Variants in CDK17 observed in about 807,000 individuals in gnomAD.
CDK17 encodes the protein cyclin dependent kinase 17, also known as cyclin-dependent kinase 17.
Under a neutral mutation model 77.6 loss-of-function variants are expected in CDK17, and 24 were observed. The ratio of observed to expected loss-of-function variants is 0.31; its 90% CI spans 0.22 to 0.44. The LOEUF is 0.44. Among genes scored for constraint, CDK17 ranks in the 20% least tolerant of loss-of-function variants. CDK17 has a pLI of 1.00. For missense variants in CDK17, 429 were observed against 622.5 expected (o/e 0.69, Z 3.31); for synonymous variants, 203 against 210.4 (o/e 0.96, Z 0.30).
intron 5 of CDK17, 65 bp downstream of exon 5, chr12:96,310,987 A>G: frequency 6.7e-7 from 1 of 1,492,648 alleles, no homozygotes; most frequent in Non-Finnish European, 8.9e-7. Context: ...TAAAATGTTT[A>G]CACCCAGAAG....
intron 3 of CDK17, among the ~76,000 whole-genome samples, chr12:96,315,967 T>C (rs1952708867): frequency 6.6e-6 from 1 of 151,870 alleles, no homozygotes; most frequent in Non-Finnish European, 1.5e-5. Context: ...GATGGCCGAA[T>C]AGGAACAGCT....
intron 15 of CDK17, among the ~76,000 whole-genome samples, chr12:96,281,459 C>A (rs954568454): frequency 3.3e-5 from 5 of 152,354 alleles, no homozygotes; most frequent in African/African-American, 1.2e-4. Flanking sequence ...ACCTCCGCCT[C>A]CCAGGTTCAA....
intron 1 of CDK17, among the ~76,000 whole-genome samples, chr12:96,349,450 T>C (rs997536081): frequency 1.4e-5 from 2 of 146,658 alleles, no homozygotes; most frequent in Non-Finnish European, 3.0e-5. Context: ...CAAAACCCTG[T>C]CTCAAAAAAA....
chr12:96,309,613 G>T (rs564236999), intron 5 of CDK17, among the ~76,000 whole-genome samples: 1 of 151,922 alleles, frequency 6.6e-6, no homozygotes, highest in Non-Finnish European at 1.5e-5. Context: ...TTAAAAATTC[G>T]TATAAACCAA....
At chr12:96,339,669 C>T (rs1411519266) in intron 1 of CDK17, among the ~76,000 whole-genome samples, 4 of 151,984 alleles carry the variant, frequency 2.6e-5, no homozygotes, top group South Asian at 2.1e-4. Context: ...GTGTCTCATG[C>T]CTGTAATCCC....
intron 15 of CDK17, chr12:96,281,898 A>G (rs766166933): frequency 1.3e-5 from 2 of 152,196 alleles, no homozygotes; most frequent in Non-Finnish European, 2.9e-5. Context: ...CTTAGTTCCC[A>G]AACATTCTTC....
intron 2 of CDK17, among the ~76,000 whole-genome samples, chr12:96,328,261 C>T (rs1952916725): frequency 6.6e-6 from 1 of 152,044 alleles, no homozygotes. Context: ...TGTAGGAAGA[C>T]AAGGGCAGGG....
rs1300171774 is a variant in CDK17, at chr12:96,318,912, A to T, written c.283+5036T>A. Among the ~76,000 whole-genome samples the T allele has an allele frequency of 2.6e-3, 306 of 117,894 alleles. 3 individuals are homozygous for T. Among genetic ancestry groups the T allele is most frequent in the African/African-American group, 9.6e-3 (292 of 30,274 alleles). The allele number at this position is 117,894 out of a possible 152,430, so 77.3% of individuals were successfully genotyped here. ...GAACTAGAAAAGCAAGAGCAAACACATTCAAAAGCTAGCAGAAGGCAAGAA... is the reference window on the plus strand; with the variant it reads ...GAACTAGAAAAGCAAGAGCAAACACTTTCAAAAGCTAGCAGAAGGCAAGAA... On this transcript the variant is annotated intron_variant, in intron 3 of 16. Coordinates refer to ENST00000261211, the MANE Select transcript of CDK17 (RefSeq NM_002595.5).
intron 2 of CDK17, among the ~76,000 whole-genome samples, chr12:96,333,391 G>T (rs960323264): frequency 6.6e-6 from 1 of 152,132 alleles, no homozygotes; most frequent in Non-Finnish European, 1.5e-5. Context: ...AAGGCCAGGC[G>T]TGGTGGCTCA....
intron 2 of CDK17, among the ~76,000 whole-genome samples, chr12:96,331,928 G>A (rs1390759791): frequency 2.6e-5 from 4 of 152,160 alleles, no homozygotes; most frequent in Non-Finnish European, 4.4e-5. Flanking sequence ...CTACTGTTAT[G>A]TGCCATGTGA....
rs1395047437 is a variant in CDK17, at chr12:96,320,543, C to T, written c.283+3405G>A. 2.0e-5 allele frequency among the ~76,000 whole-genome samples: 3 copies of T among 148,560 alleles called. No homozygotes were observed. The East Asian group carries it at 6.0e-4, about 29-fold the overall frequency. On this transcript the variant is annotated intron_variant, in intron 3 of 16. Coordinates refer to ENST00000261211, the MANE Select transcript of CDK17 (RefSeq NM_002595.5). ...GAACAAAGCTGGAGGCATCACGCTACCTGACTTCAAACTATACTACAAGGC... is the reference window on the plus strand; with the variant it reads ...GAACAAAGCTGGAGGCATCACGCTATCTGACTTCAAACTATACTACAAGGC...
At chr12:96,299,908 A>G (rs1053458076) in intron 6 of CDK17, among the ~76,000 whole-genome samples, 5 of 152,202 alleles carry the variant, frequency 3.3e-5, no homozygotes, top group African/African-American at 9.7e-5. Context: ...CCAAGATCTT[A>G]AGAATTTCCG....
In CDK17 at chr12:96,384,431, A is replaced by G. The variant is rs541591457; in HGVS notation, c.-30+15555T>C. On this transcript the variant is annotated intron_variant, in intron 1 of 16. Coordinates refer to ENST00000261211, the MANE Select transcript of CDK17 (RefSeq NM_002595.5). Reference sequence around the variant, plus strand: ...GTATATACCCAAAGGAAAACAAATCATTTTATCAAAAAGACTCATGTATTC... The same window carrying G: ...GTATATACCCAAAGGAAAACAAATCGTTTTATCAAAAAGACTCATGTATTC... 4.6e-5 allele frequency among the ~76,000 whole-genome samples: 7 copies of G among 152,310 alleles called. No individual in the cohort carries two copies. In the South Asian group the frequency reaches 8.3e-4, roughly 18 times the overall value.
chr12:96,293,383 T>G (rs976325584), intron 10 of CDK17, among the ~76,000 whole-genome samples: 1 of 152,208 alleles, frequency 6.6e-6, no homozygotes, highest in African/African-American at 2.4e-5. Context: ...CATCTGTTTT[T>G]GCATTCTGTG....
In CDK17 at chr12:96,313,463, A is replaced by T. The variant is rs1179676086; in HGVS notation, c.284-9T>A. ...ATTTTCATGAACAATATCTATATCA[A>T]AAAATGAGACATTAAAAGAGATACA... On this transcript the variant is annotated splice_polypyrimidine_tract_variant and intron_variant, in intron 3 of 16. Coordinates refer to ENST00000261211, the MANE Select transcript of CDK17 (RefSeq NM_002595.5). 6.7e-7 allele frequency: 1 copy of T among 1,489,648 alleles called. No homozygotes were observed. 92.3% of individuals were successfully genotyped at this position (1,489,648 alleles called of 1,614,324 possible). A position where few individuals can be genotyped will look rare whatever the true frequency, so the allele number is the denominator to read the frequency against.
chr12:96,380,298 TTTG>T, intron 1 of CDK17, among the ~76,000 whole-genome samples: 1 of 151,186 alleles, frequency 6.6e-6, no homozygotes, highest in South Asian at 2.1e-4. Flanking sequence ...TTTTTTTTTT[TTTG>T]AGACAAAGTC....
At chr12:96,314,570 C>T (rs988109094) in intron 3 of CDK17, among the ~76,000 whole-genome samples, 3 of 152,100 alleles carry the variant, frequency 2.0e-5, no homozygotes, top group Non-Finnish European at 4.4e-5. Flanking sequence ...CCCACCTTGG[C>T]CTCTCAAAGT....
intron 1 of CDK17, chr12:96,335,089 A>G (rs771166017): frequency 1.5e-5 from 9 of 591,042 alleles, no homozygotes; most frequent in South Asian, 3.1e-5. Flanking sequence ...CCATGTAACT[A>G]AAGAGTGGGA....
chr12:96,281,560 G>A (rs1240660979), intron 15 of CDK17, among the ~76,000 whole-genome samples: 1 of 152,190 alleles, frequency 6.6e-6, no homozygotes, highest in Non-Finnish European at 1.5e-5. Context: ...GTAGAGACGG[G>A]GTTTCCCCAT....
Sources: allele counts gnomAD v4.1 joint callset (sites outside exome capture counted in the v4.1 genomes callset), GRCh38; gene constraint gnomAD v4.1.1; transcripts MANE v1.5; gene names NCBI Gene and HGNC (gene_info 2026-07-23, HGNC 2026-07-21).